Variants in BCOR observed in about 807,000 individuals in gnomAD.
BCOR encodes the protein BCL-6 corepressor.
Under a neutral mutation model 86.7 loss-of-function variants are expected in BCOR, and 10 were observed. The observed-to-expected ratio is 0.12, with a 90% CI of 0.07 to 0.20. The LOEUF (loss-of-function observed/expected upper bound fraction) is 0.20. Among genes scored for constraint, BCOR ranks in the 10% least tolerant of loss-of-function variants. BCOR has a pLI of 1.00. For missense variants in BCOR, 1,259 were observed against 1,452.1 expected, an observed-to-expected ratio of 0.87 and a Z score of 2.16; for synonymous variants, 611 against 609.0, an observed-to-expected ratio of 1.00 and a Z score of -0.05.
intron 1 of BCOR, among the ~76,000 whole-genome samples, chrX:40,107,334 G>A (rs1301641898): frequency 9.1e-6 from 1 of 110,234 alleles, no homozygotes; most frequent in Non-Finnish European, 1.9e-5. Flanking sequence ...CAGCAGAGTG[G>A]GGGACGCAAG....
rs1389531773 is a variant in BCOR at position 40,073,785 on chromosome X, T to C, written c.1561A>G (p.Asn521Asp). 8.2e-7 allele frequency: 1 copy of C among 1,212,699 alleles called. No homozygotes were observed. The highest frequency in any genetic ancestry group is 1.1e-6 in the Non-Finnish European group (1 of 895,716). The change falls in exon 4 of 15, where the codon AAT (asparagine) becomes GAT (aspartate). Residue 521 changes from asparagine (N) to aspartate (D), a missense_variant. Asn to Asp is a conservative substitution (Grantham distance 23, BLOSUM62 1). Around this residue, in one of 7 missense-constraint regions of BCOR, gnomAD observed 534 missense variants for 594.8 expected, o/e 0.90. Coordinates refer to ENST00000378444, the MANE Select transcript of BCOR (RefSeq NM_001123385.2). ...TTTTTCAGCGACATGCTTTTGCCAT[T>C]GTTCTCTTCGTTAGGACTTGGCCCG... ...VPGPSPNEEN[N>D]GKSMSLKNKA... is the part of the protein sequence containing the mutation.
At chrX:40,080,991 A>ACG (rs757691954) in intron 1 of BCOR, among the ~76,000 whole-genome samples, 1 of 103,721 alleles carries the variant, frequency 9.6e-6, no homozygotes, top group Non-Finnish European at 2.1e-5. Context: ...ACACACGCGC[A>ACG]CACACACACA....
At chrX:40,110,674 T>C (rs1937291991) in intron 1 of BCOR, among the ~76,000 whole-genome samples, 1 of 7,291 alleles carries the variant, frequency 1.4e-4, no homozygotes, top group South Asian at 0.011. Context: ...TTTCTTTTTT[T>C]TTTTTTTTTT....
At chrX:40,076,398 G>T in intron 3 of BCOR, 56 bp downstream of exon 3, 3 of 923,307 alleles carry the variant, frequency 3.2e-6, no homozygotes, top group African/African-American at 1.9e-5. Flanking sequence ...TAATACGATT[G>T]ATTACAGATC....
intron 6 of BCOR, chrX:40,068,046 G>A (rs1440188346): frequency 8.9e-6 from 1 of 112,089 alleles, no homozygotes; most frequent in Non-Finnish European, 1.9e-5. Flanking sequence ...CTAGGCAGAT[G>A]TGAACATGGC....
Position 40,070,874 on chromosome X carries a change from C to T in BCOR, c.3238+99G>A, listed in dbSNP as rs753106470. 37 of 822,826 alleles carry T rather than the reference C, an allele frequency of 4.5e-5. No individual in the cohort carries two copies. The African/African-American group carries it at 5.4e-4, about 12-fold the overall frequency. The allele number at this position is 822,826 out of a possible 1,213,427, so 67.8% of individuals were successfully genotyped here. On this transcript the variant is annotated intron_variant, in intron 6 of 14. Transcript: ENST00000378444. ...GGTTGCCACCATTCATAAGGACAAT[C>T]GGCCCTTCATTCCATGCATGGCAAA...
chrX:40,107,407 C>A (rs1472963584), intron 1 of BCOR, among the ~76,000 whole-genome samples: 6 of 111,986 alleles, frequency 5.4e-5, no homozygotes, highest in Non-Finnish European at 1.1e-4. Context: ...GAGCAGGAAC[C>A]CCCGCCCCCA....
intron 1 of BCOR, among the ~76,000 whole-genome samples, chrX:40,116,625 A>G (rs1569184273): frequency 8.9e-6 from 1 of 112,012 alleles, no homozygotes; most frequent in Non-Finnish European, 1.9e-5. Context: ...CAAAGCCCAG[A>G]CTTATTCATG....
intron 11 of BCOR, among the ~76,000 whole-genome samples, chrX:40,056,896 T>C: frequency 8.9e-6 from 1 of 112,141 alleles, no homozygotes; most frequent in Non-Finnish European, 1.9e-5. Context: ...CACCCCCAAT[T>C]ATTCATGCAG....
intron 1 of BCOR, among the ~76,000 whole-genome samples, chrX:40,109,736 G>A (rs1363680739): frequency 1.8e-5 from 2 of 113,122 alleles, no homozygotes; most frequent in African/African-American, 3.2e-5. Flanking sequence ...GTGGGGGGCG[G>A]GGAGGCCGCG....
chrX:40,070,601 T>C (rs1389046337), intron 6 of BCOR, among the ~76,000 whole-genome samples: 1 of 111,475 alleles, frequency 9.0e-6, no homozygotes, highest in Non-Finnish European at 1.9e-5. Context: ...ACAACATCTA[T>C]GCCTTTGGAG....
At chrX:40,062,620 G>T in intron 9 of BCOR, 126 bp downstream of exon 9, 2 of 770,787 alleles carry the variant, frequency 2.6e-6, no homozygotes, top group Non-Finnish European at 1.9e-6. Context: ...CTCTAGGACA[G>T]GGGAGTGACG....
intron 10 of BCOR, among the ~76,000 whole-genome samples, chrX:40,059,808 T>C (rs1435623856): frequency 8.8e-6 from 1 of 113,085 alleles, no homozygotes; most frequent in Non-Finnish European, 1.9e-5. Flanking sequence ...CCTCATTAAC[T>C]TTTTTAAAAA....
chrX:40,118,158 T>G (rs1412245291), intron 1 of BCOR, among the ~76,000 whole-genome samples: 1 of 110,132 alleles, frequency 9.1e-6, no homozygotes, highest in Non-Finnish European at 1.9e-5. Context: ...GGGATCTTTT[T>G]GGGAGGCGGG....
intron 1 of BCOR, among the ~76,000 whole-genome samples, chrX:40,141,526 G>T (rs1937923180): frequency 8.9e-6 from 1 of 111,913 alleles, no homozygotes; most frequent in African/African-American, 3.2e-5. Context: ...TCTGCTGGGA[G>T]ACTCCGTGTG....
intron 1 of BCOR, among the ~76,000 whole-genome samples, chrX:40,154,800 G>T (rs1003299559): frequency 1.4e-4 from 16 of 112,360 alleles, no homozygotes; most frequent in Non-Finnish European, 2.1e-4. Context: ...ACGCAGCGTG[G>T]GTCACGCTAA....
intron 1 of BCOR, among the ~76,000 whole-genome samples, chrX:40,140,971 G>A (rs1220016824): frequency 8.9e-6 from 1 of 112,958 alleles, no homozygotes; most frequent in Non-Finnish European, 1.9e-5. Flanking sequence ...CTGAGGGGCT[G>A]GGGGATCCCC....
At chrX:40,106,641 A>T (rs1394578616) in intron 1 of BCOR, among the ~76,000 whole-genome samples, 1 of 111,308 alleles carries the variant, frequency 9.0e-6, no homozygotes. Context: ...TCGGCCTGGC[A>T]CCATTACGCT....
Position 40,116,975 on chromosome X carries a change from G to A in BCOR, c.-40-39006C>T, listed in dbSNP as rs750244162. ...TGGTCAGCCAGTGGATGCCCCCATC[G>A]GTTCCATGCCAGTGGCTGCACCGGG... is the stretch of plus-strand genomic sequence containing the variant. On this transcript the variant is annotated intron_variant, in intron 1 of 14. Transcript: ENST00000342274. Among the ~76,000 whole-genome samples, 58 of 111,216 alleles carry A rather than the reference G, an allele frequency of 5.2e-4. 1 individual carries two copies. Among genetic ancestry groups the A allele is most frequent in the African/African-American group, 1.7e-3 (53 of 30,764 alleles).
Sources: allele counts gnomAD v4.1 joint callset (sites outside exome capture counted in the v4.1 genomes callset), GRCh38; gene constraint gnomAD v4.1.1; regional missense constraint gnomAD v4.1.1; transcripts MANE v1.5; gene names NCBI Gene and HGNC (gene_info 2026-07-23, HGNC 2026-07-21).